Variants in COL27A1 observed in about 807,000 individuals in gnomAD.
COL27A1 encodes the protein collagen alpha-1(XXVII) chain.
Under a neutral mutation model 251.3 loss-of-function variants are expected in COL27A1, and 106 were observed. That is an observed-to-expected ratio of 0.42 (90% CI 0.36 to 0.50). COL27A1 has a LOEUF of 0.50. Ranked by LOEUF, COL27A1 falls within the 20% of genes least tolerant of loss-of-function variation. The pLI, the probability that COL27A1 is intolerant of heterozygous loss-of-function variation, is 0.00. For missense variants in COL27A1, 2,325 were observed against 2,522.8 expected, an observed-to-expected ratio of 0.92 and a Z score of 1.68; for synonymous variants, 1,000 against 986.3, an observed-to-expected ratio of 1.01 and a Z score of -0.26.
At chr9:114,210,478 C>G (rs1004412222) in intron 11 of COL27A1, among the ~76,000 whole-genome samples, 3 of 152,166 alleles carry the variant, frequency 2.0e-5, no homozygotes, top group African/African-American at 7.2e-5. Flanking sequence ...GGTGGTGGGA[C>G]TGGTTTGGTG....
chr9:114,293,411 C>G (rs912841948), intron 49 of COL27A1, among the ~76,000 whole-genome samples: 1 of 152,076 alleles, frequency 6.6e-6, no homozygotes, highest in South Asian at 2.1e-4. Flanking sequence ...ATAGTAATAA[C>G]TTCTGTGTTA....
chr9:114,304,807 G>A (rs757809961), intron 57 of COL27A1, 134 bp downstream of exon 57: 245 of 733,404 alleles, frequency 3.3e-4, no homozygotes, highest in Admixed American at 4.8e-4. Flanking sequence ...GTGGCATCTC[G>A]CATCCACAAA....
At chr9:114,304,562 G>C in intron 56 of COL27A1, 46 bp from the exon 57 acceptor site, 1 of 1,595,572 alleles carries the variant, frequency 6.3e-7, no homozygotes, top group Non-Finnish European at 8.6e-7. Context: ...TGGGTGTGGA[G>C]AACCCTGGGG....
Position 114,166,404 on chromosome 9 carries a change from CACCT to C in COL27A1, c.134-1283_134-1280del, listed in dbSNP as rs1848877639. ...CCATCCATCCATCCATCCACCCACC[CACCT>C]ATCCATTTATCCATTCATCCATCCA... On this transcript the variant is annotated intron_variant, in intron 2 of 60. Coordinates refer to ENST00000356083, the MANE Select transcript of COL27A1 (RefSeq NM_032888.4). Among the ~76,000 whole-genome samples the C allele has an allele frequency of 4.8e-5, 7 of 146,922 alleles. No homozygotes were observed. In the South Asian group the frequency reaches 1.3e-3, roughly 28 times the overall value.
chr9:114,256,770 T>C (rs1233702026), intron 27 of COL27A1, among the ~76,000 whole-genome samples: 1 of 152,214 alleles, frequency 6.6e-6, no homozygotes, highest in African/African-American at 2.4e-5. Flanking sequence ...GTGCCTAAGA[T>C]GGCACAATTA....
intron 3 of COL27A1, among the ~76,000 whole-genome samples, chr9:114,175,809 G>A (rs1479458705): frequency 6.6e-6 from 1 of 152,208 alleles, no homozygotes; most frequent in East Asian, 1.9e-4. Context: ...TCCTGGACAA[G>A]CCCTTCACCC....
At position 114,301,327 on chromosome 9, in the gene COL27A1, G is replaced by C; in HGVS notation, c.4791+8G>C. ...GGCAGCCGTGGGGACTGGGTAAGTG[G>C]ATGGGCTGGGGCTGAGGGATGCAGC... On this transcript the variant is annotated splice_region_variant and intron_variant, in intron 53 of 60. Coordinates refer to ENST00000356083, the MANE Select transcript of COL27A1 (RefSeq NM_032888.4). The C allele has an allele frequency of 6.3e-7, 1 of 1,585,646 alleles. No individual in the cohort carries two copies. The highest frequency in any genetic ancestry group is 8.6e-7 in the Non-Finnish European group (1 of 1,159,106).
At chr9:114,267,984 G>C (rs933491698) in intron 34 of COL27A1, among the ~76,000 whole-genome samples, 6 of 152,206 alleles carry the variant, frequency 3.9e-5, no homozygotes, top group African/African-American at 1.4e-4. Flanking sequence ...CTAGCCCGTG[G>C]ACATTGTTGA....
intron 3 of COL27A1, among the ~76,000 whole-genome samples, chr9:114,170,275 C>T (rs1217992656): frequency 4.6e-5 from 7 of 152,230 alleles, no homozygotes; most frequent in Admixed American, 1.3e-4. Context: ...AGAAAGAACA[C>T]GATTTGCAGG....
rs1229207383 is a variant in COL27A1, at chr9:114,243,572, T to C, written c.2934+12T>C. On this transcript the variant is annotated intron_variant, in intron 23 of 60. Transcript: ENST00000356083. ...TGGATGGCGTGAAGGTGAGGGGACC[T>C]GGAGATCCCTGGGGACAAGAGGAAA... The C allele has an allele frequency of 1.2e-6, 2 of 1,609,302 alleles. No homozygotes were observed. Among genetic ancestry groups the C allele is most frequent in the East Asian group, 2.2e-5 (1 of 44,782 alleles).
intron 1 of COL27A1, among the ~76,000 whole-genome samples, 167 bp downstream of exon 1, chr9:114,156,179 C>G (rs1347478066): frequency 1.3e-5 from 2 of 151,228 alleles, no homozygotes; most frequent in African/African-American, 4.9e-5. Flanking sequence ...GCTGCGCCCC[C>G]GGCCGGGCGA....
intron 24 of COL27A1, among the ~76,000 whole-genome samples, chr9:114,247,360 A>G (rs1833212231): frequency 6.6e-6 from 1 of 152,228 alleles, no homozygotes; most frequent in East Asian, 1.9e-4. Flanking sequence ...CTACACTCAT[A>G]TTCGAGGCAA....
chr9:114,196,091 C>T (rs1588634852), intron 7 of COL27A1, 79 bp downstream of exon 7: 3 of 1,245,230 alleles, frequency 2.4e-6, no homozygotes, highest in African/African-American at 1.5e-5. Context: ...GAGCTGTGGG[C>T]CCACCTGCCT....
In COL27A1 at chr9:114,288,461, C is replaced by A. The variant is rs1046524063; in HGVS notation, c.3994C>A (p.Gln1332Lys). Reference sequence around the variant, plus strand: ...GCTGGTTCTGTGTCCACAGGGGGAGCAGGGCGAGGACGGCAAGGCTGAGGG... The same window carrying A: ...GCTGGTTCTGTGTCCACAGGGGGAGAAGGGCGAGGACGGCAAGGCTGAGGG... ...PPGPKGEKGE[Q>K]GEDGKAEGPP... The change falls in exon 42 of 61, where the codon CAG becomes AAG. Residue 1332 changes from glutamine (Q) to lysine (K), a missense_variant. Physicochemically the swap from Gln to Lys is moderately conservative, Grantham distance 53. Transcript: ENST00000356083. The A allele has an allele frequency of 1.2e-6, 2 of 1,610,054 alleles. No homozygotes were observed. Among genetic ancestry groups the A allele is most frequent in the East Asian group, 4.5e-5 (2 of 44,784 alleles).
In COL27A1 at chr9:114,310,746, G is replaced by A. The variant is rs1226877510; in HGVS notation, c.*51G>A. The A allele has an allele frequency of 6.2e-7, 1 of 1,603,240 alleles. No individual in the cohort carries two copies. Among genetic ancestry groups the A allele is most frequent in the Non-Finnish European group, 8.5e-7 (1 of 1,172,378 alleles). On this transcript the variant is annotated 3_prime_UTR_variant, in exon 61 of 61. Coordinates refer to ENST00000356083, the MANE Select transcript of COL27A1 (RefSeq NM_032888.4). ...CCTCACGGAGGAGGGAAGAGGAAGA[G>A]GCAAGGGGAGGGTACTGAGGGGCAG...
At chr9:114,178,449 C>T (rs2135146252) in intron 4 of COL27A1, 105 bp downstream of exon 4, 4 of 1,018,422 alleles carry the variant, frequency 3.9e-6, no homozygotes, top group Non-Finnish European at 6.2e-6. Flanking sequence ...GTTCTTCCCT[C>T]CCCCTCTCTG....
intron 41 of COL27A1, among the ~76,000 whole-genome samples, chr9:114,286,210 A>C (rs941750946): frequency 3.3e-5 from 5 of 152,146 alleles, no homozygotes; most frequent in African/African-American, 1.2e-4. Context: ...GGACGGTGCT[A>C]GGGAGGAGAG....
chr9:114,174,569 C>T (rs1025767359), intron 3 of COL27A1, among the ~76,000 whole-genome samples: 1 of 152,142 alleles, frequency 6.6e-6, no homozygotes, highest in African/African-American at 2.4e-5. Flanking sequence ...AGCCAGAGGT[C>T]AAGGAAGGCC....
chr9:114,295,231 C>T (rs745639417), intron 49 of COL27A1, among the ~76,000 whole-genome samples: 33 of 152,202 alleles, frequency 2.2e-4, no homozygotes, highest in Admixed American at 1.8e-3. Context: ...ATACATCTGA[C>T]ATTAAGTGTG....
Sources: allele counts gnomAD v4.1 joint callset (sites outside exome capture counted in the v4.1 genomes callset), GRCh38; gene constraint gnomAD v4.1.1; transcripts MANE v1.5; gene names NCBI Gene and HGNC (gene_info 2026-07-23, HGNC 2026-07-21).